The following ABCC4 variants were observed in gnomAD, a reference collection of about 807,000 sequenced individuals.
The protein encoded by ABCC4 is ATP-binding cassette sub-family C member 4.
Under a neutral mutation model 168.5 loss-of-function variants are expected in ABCC4, and 102 were observed. The observed-to-expected ratio is 0.61, with a 90% confidence interval of 0.52 to 0.71. The LOEUF is 0.71. ABCC4 is among the 30% of genes least tolerant of loss of function. The probability of loss-of-function intolerance (pLI) is 0.00; values close to 1 mark genes in which losing one functional copy is unlikely to be tolerated. For synonymous variants in ABCC4, 617 were observed against 590.7 expected (o/e 1.04, Z -0.65); for missense variants, 1,402 against 1,605.8 (o/e 0.87, Z 2.17).
At chr13:95,062,903 A>C in intron 25 of ABCC4, 44 bp from the exon 26 acceptor site, 1 of 1,287,072 alleles carries the variant, frequency 7.8e-7, no homozygotes, top group Non-Finnish European at 1.1e-6. Context: ...AAAAAGAAAA[A>C]AATCACAGGA....
chr13:95,200,718 TCAAAACAAAACAAAA>T (rs559882439), intron 8 of ABCC4, among the ~76,000 whole-genome samples: 1 of 151,984 alleles, frequency 6.6e-6, no homozygotes, highest in Non-Finnish European at 1.5e-5. Flanking sequence ...AGACGCCGTC[TCAAAACAAAACAAAA>T]CAAAACAAAA....
intron 13 of ABCC4, among the ~76,000 whole-genome samples, chr13:95,177,424 T>C (rs2037741344): frequency 1.3e-5 from 2 of 152,176 alleles, no homozygotes; most frequent in Non-Finnish European, 2.9e-5. Flanking sequence ...CTGTAATTAC[T>C]AGTAGGGGAA....
At chr13:95,219,024 A>C (rs1026678829) in intron 4 of ABCC4, among the ~76,000 whole-genome samples, 1 of 151,934 alleles carries the variant, frequency 6.6e-6, no homozygotes, top group Non-Finnish European at 1.5e-5. Flanking sequence ...AAAGGAAGGA[A>C]GGAAAAGAAA....
chr13:95,119,215 A>C (rs2035479438), intron 19 of ABCC4, among the ~76,000 whole-genome samples: 1 of 152,216 alleles, frequency 6.6e-6, no homozygotes, highest in African/African-American at 2.4e-5. Context: ...CCAATCCTGC[A>C]TGATGGCACA....
At chr13:95,204,731 G>A (rs1438940690) in intron 8 of ABCC4, among the ~76,000 whole-genome samples, 6 of 152,158 alleles carry the variant, frequency 3.9e-5, no homozygotes, top group Non-Finnish European at 5.9e-5. Flanking sequence ...AGAAATCATG[G>A]TTCTGAACAG....
At chr13:95,035,455 C>T (rs116510949) in intron 29 of ABCC4, among the ~76,000 whole-genome samples, 277 of 152,316 alleles carry the variant, frequency 1.8e-3, no homozygotes, top group African/African-American at 6.4e-3. Flanking sequence ...CCAATTTTCT[C>T]TTTGGATAAG....
At chr13:95,293,336 C>T (rs149596876) in intron 1 of ABCC4, among the ~76,000 whole-genome samples, 1,869 of 151,810 alleles carry the variant, frequency 0.012, 20 homozygotes, top group Non-Finnish European at 0.021. Context: ...CCAGCCTGTG[C>T]GACAGAGACT....
chr13:95,057,945 C>A (rs1182044855), intron 26 of ABCC4, among the ~76,000 whole-genome samples: 1 of 152,190 alleles, frequency 6.6e-6, no homozygotes, highest in African/African-American at 2.4e-5. Context: ...AGACCAGTAA[C>A]CTTCATGCAA....
chr13:95,242,488 A>G (rs2039976165), intron 3 of ABCC4, among the ~76,000 whole-genome samples: 1 of 151,608 alleles, frequency 6.6e-6, no homozygotes, highest in Non-Finnish European at 1.5e-5. Context: ...GGCCTCCCAA[A>G]GTGCTGGGAT....
intron 21 of ABCC4, among the ~76,000 whole-genome samples, chr13:95,078,048 C>T (rs1202916971): frequency 6.6e-6 from 1 of 152,200 alleles, no homozygotes; most frequent in Non-Finnish European, 1.5e-5. Flanking sequence ...TCTTTCCTGA[C>T]TGATACATCT....
At chr13:95,092,716 A>G (rs1340545971) in intron 20 of ABCC4, among the ~76,000 whole-genome samples, 1 of 152,158 alleles carries the variant, frequency 6.6e-6, no homozygotes, top group Non-Finnish European at 1.5e-5. Context: ...AAGAAAGGAA[A>G]TAACTAAGAT....
chr13:95,054,854 T>TG (rs2032995392), intron 26 of ABCC4, among the ~76,000 whole-genome samples: 1 of 152,104 alleles, frequency 6.6e-6, no homozygotes, highest in African/African-American at 2.4e-5. Flanking sequence ...TAAAGAAAAA[T>TG]GATATCCAGG....
rs191617822 is a variant in ABCC4, at chr13:95,102,651, C to T, written c.2535+13271G>A. ...AGTCACACCTTTTTTTTTTTTAGAT[C>T]GAGTCTCGCCCTGTCTGGAGTGCAA... On this transcript the variant is annotated intron_variant, in intron 20 of 30. Coordinates refer to ENST00000645237, the MANE Select transcript of ABCC4 (RefSeq NM_005845.5). Among the ~76,000 whole-genome samples, 9 of 143,178 alleles carry T rather than the reference C, an allele frequency of 6.3e-5. No individual in the cohort carries two copies. In the East Asian group the frequency reaches 1.5e-3, roughly 23 times the overall value. The allele number at this position is 143,178 out of a possible 152,430, so 93.9% of individuals were successfully genotyped here. A position where few individuals can be genotyped will look rare whatever the true frequency, so the allele number is the denominator to read the frequency against.
At chr13:95,044,801 A>C (rs1046749015) in intron 27 of ABCC4, among the ~76,000 whole-genome samples, 8 of 152,220 alleles carry the variant, frequency 5.3e-5, no homozygotes, top group Admixed American at 3.3e-4. Context: ...AAAGATAAAA[A>C]AAATTCCCTT....
At chr13:95,177,618 G>A (rs1051664338) in intron 13 of ABCC4, 89 bp downstream of exon 13, 9 of 1,025,540 alleles carry the variant, frequency 8.8e-6, no homozygotes, top group Non-Finnish European at 1.3e-5. Flanking sequence ...CACCAGAGTA[G>A]GATGAGCTGA....
chr13:95,071,981 G>A lies in ABCC4; in HGVS notation c.3019-128C>T, dbSNP rs2033742197. 4 of 659,330 alleles carry A rather than the reference G, an allele frequency of 6.1e-6. No homozygotes were observed. The Admixed American group carries it at 1.2e-4, about 19-fold the overall frequency. The allele number at this position is 659,330 out of a possible 1,614,324, so 40.8% of individuals were successfully genotyped here. On this transcript the variant is annotated intron_variant, in intron 24 of 30. Transcript: ENST00000645237. ...AAGGAGAGAAGCAGGAGACAGACGA[G>A]GATGTTGATGACTTACAAATTTGGT...
intron 26 of ABCC4, among the ~76,000 whole-genome samples, chr13:95,058,141 AAAAAAT>A (rs1162579894): frequency 2.0e-5 from 3 of 152,334 alleles, no homozygotes; most frequent in East Asian, 1.9e-4. Context: ...AAGGTTTTGG[AAAAAAT>A]AAAAATAAAA....
In ABCC4 at chr13:95,247,056, T is replaced by C. The variant is rs769208721; in HGVS notation, c.225A>G (p.Ala75=). 6.2e-6 allele frequency: 10 copies of C among 1,613,360 alleles called. No individual in the cohort carries two copies. In the East Asian group the frequency reaches 2.2e-4, roughly 36 times the overall value. Residue 75 remains alanine (A), a synonymous_variant, in exon 3 of 31, where the codon GCA becomes GCG. Coordinates refer to ENST00000645237, the MANE Select transcript of ABCC4 (RefSeq NM_005845.5). ...DKEVLRAEND[A]QKPSLTRAII... is the part of the protein sequence containing the mutation. ...TTGCTCTTGTTAAAGAAGGCTTCTG[T>C]GCGTCATTCTCAGCTCTTAAAACTT... is the stretch of plus-strand genomic sequence containing the variant.
At chr13:95,236,550 A>G (rs541107399) in intron 3 of ABCC4, among the ~76,000 whole-genome samples, 1 of 152,106 alleles carries the variant, frequency 6.6e-6, no homozygotes, top group Admixed American at 6.6e-5. Flanking sequence ...CAGATGGGTC[A>G]TGATATTAAA....
Sources: gnomAD v4.1 joint callset for allele counts (sites outside exome capture counted in the v4.1 genomes callset) on GRCh38, gnomAD v4.1.1 for gene constraint, MANE v1.5 for transcripts, NCBI Gene and HGNC (gene_info 2026-07-23, HGNC 2026-07-21) for gene names.